Variants in RSU1 observed in about 807,000 individuals in gnomAD.
RSU1 encodes Ras suppressor protein 1, also known as rsu-1.
RSU1 carries 26 observed loss-of-function variants against 31.1 expected under a neutral mutation model. The observed-to-expected ratio is 0.84, with a 90% CI of 0.61 to 1.16. The LOEUF (loss-of-function observed/expected upper bound fraction) is 1.16. RSU1 is among the 50% of genes most tolerant of loss of function. The pLI is 0.00. For synonymous variants in RSU1, 164 were observed against 136.3 expected (o/e 1.20, Z -1.41); for missense variants, 320 against 339.1 (o/e 0.94, Z 0.44).
At chr10:16,770,208 C>T (rs3780977) in intron 3 of RSU1, among the ~76,000 whole-genome samples, 2,806 of 152,008 alleles carry the variant, frequency 0.018, 69 homozygotes, top group East Asian at 0.069. Context: ...AAATCAAAGC[C>T]GTAAGGAGCG....
At chr10:16,805,327 C>G (rs1446824188) in intron 2 of RSU1, among the ~76,000 whole-genome samples, 1 of 152,164 alleles carries the variant, frequency 6.6e-6, no homozygotes, top group African/African-American at 2.4e-5. Flanking sequence ...AGACGTGGAT[C>G]TGTACTTCCT....
rs534529275 is a variant in RSU1, at chr10:16,643,147, T to A, written c.732-49651A>T. Among the ~76,000 whole-genome samples the A allele has an allele frequency of 1.8e-3, 281 of 152,316 alleles. 1 individual carries two copies. Among genetic ancestry groups the A allele is most frequent in the African/African-American group, 6.5e-3 (270 of 41,568 alleles). ...AGTTTATTTAATAATCATAATACAG[T>A]ATATGAACTCAGTAATGCCCAGCTA... On this transcript the variant is annotated intron_variant, in intron 8 of 8. Transcript: ENST00000345264.
chr10:16,782,398 C>A (rs76969309), intron 2 of RSU1, among the ~76,000 whole-genome samples: 4,748 of 152,304 alleles, frequency 0.031, 128 homozygotes, highest in East Asian at 0.1. Context: ...ATTAGTGATC[C>A]ATTTCAATTA....
At chr10:16,680,555 A>G (rs1835311547) in intron 8 of RSU1, among the ~76,000 whole-genome samples, 1 of 152,112 alleles carries the variant, frequency 6.6e-6, no homozygotes, top group African/African-American at 2.4e-5. Flanking sequence ...GTTTACAAAC[A>G]TGGCAGAAGA....
At chr10:16,708,782 A>G (rs1835958009) in intron 7 of RSU1, among the ~76,000 whole-genome samples, 1 of 151,838 alleles carries the variant, frequency 6.6e-6, no homozygotes, top group African/African-American at 2.4e-5. Flanking sequence ...GTTTCAATAT[A>G]GAGAGCTTTC....
rs397945910 is a variant in RSU1, at chr10:16,657,529, G to GAA, written c.731+37492_731+37493dup. On this transcript the variant is annotated intron_variant, in intron 8 of 8. Transcript: ENST00000345264. ...TTACCATAACATCTCAATCATACTA[G>GAA]AAAAAAAAAAAAGCAATTCTAGGGT... is the stretch of plus-strand genomic sequence containing the variant. Among the ~76,000 whole-genome samples, 15 of 133,110 alleles carry GAA rather than the reference G, an allele frequency of 1.1e-4. 1 individual carries two copies. The highest frequency in any genetic ancestry group is 4.1e-4 in the African/African-American group (15 of 36,940). The allele number at this position is 133,110 out of a possible 152,430, so 87.3% of individuals were successfully genotyped here.
chr10:16,607,881 T>A (rs1291387093), intron 8 of RSU1, among the ~76,000 whole-genome samples: 2 of 152,224 alleles, frequency 1.3e-5, no homozygotes, highest in African/African-American at 4.8e-5. Context: ...TGAGTTTTTT[T>A]GAGACAGAGT....
chr10:16,664,105 C>T (rs947542174), intron 8 of RSU1, among the ~76,000 whole-genome samples: 8 of 152,168 alleles, frequency 5.3e-5, no homozygotes, highest in African/African-American at 9.7e-5. Context: ...ATAGAACCTA[C>T]TAAAATATAC....
At chr10:16,815,789 G>A (rs1838515760) in intron 2 of RSU1, among the ~76,000 whole-genome samples, 1 of 152,210 alleles carries the variant, frequency 6.6e-6, no homozygotes, top group Non-Finnish European at 1.5e-5. Flanking sequence ...AGACGGATAA[G>A]GTTTTACACA....
chr10:16,642,060 G>T (rs1322589617), intron 8 of RSU1, among the ~76,000 whole-genome samples: 2 of 152,146 alleles, frequency 1.3e-5, no homozygotes, highest in Non-Finnish European at 2.9e-5. Context: ...TGCTGCTCTT[G>T]ATTTTTTTAG....
At chr10:16,657,185 T>C (rs1302016973) in intron 8 of RSU1, among the ~76,000 whole-genome samples, 1 of 152,152 alleles carries the variant, frequency 6.6e-6, no homozygotes, top group Non-Finnish European at 1.5e-5. Context: ...CAGGCAGAGA[T>C]ATTGATTCAG....
chr10:16,786,163 C>A (rs1317782212), intron 2 of RSU1, among the ~76,000 whole-genome samples: 1 of 152,186 alleles, frequency 6.6e-6, no homozygotes, highest in Non-Finnish European at 1.5e-5. Flanking sequence ...GGCAGCCGAA[C>A]CCATGACAAA....
intron 7 of RSU1, among the ~76,000 whole-genome samples, chr10:16,716,678 A>T (rs954978598): frequency 6.6e-6 from 1 of 152,158 alleles, no homozygotes; most frequent in African/African-American, 2.4e-5. Flanking sequence ...CAAATACACT[A>T]TTGATAACAT....
At chr10:16,735,729 G>GAA (rs912828165) in intron 7 of RSU1, among the ~76,000 whole-genome samples, 8 of 152,042 alleles carry the variant, frequency 5.3e-5, no homozygotes, top group African/African-American at 1.9e-4. Context: ...AGCAAAAGGG[G>GAA]AAAAACCCCT....
intron 8 of RSU1, among the ~76,000 whole-genome samples, chr10:16,657,073 G>C (rs986368459): frequency 2.6e-5 from 4 of 152,154 alleles, no homozygotes; most frequent in Admixed American, 6.5e-5. Flanking sequence ...AGTGTAACAA[G>C]CTGAAAACAA....
intron 5 of RSU1, among the ~76,000 whole-genome samples, chr10:16,754,089 G>T (rs1190011931): frequency 6.6e-6 from 1 of 152,006 alleles, no homozygotes; most frequent in African/African-American, 2.4e-5. Context: ...TTTTATAGTT[G>T]GTTTCATGTG....
chr10:16,676,355 A>C (rs1835232107), intron 8 of RSU1, among the ~76,000 whole-genome samples: 1 of 152,210 alleles, frequency 6.6e-6, no homozygotes, highest in African/African-American at 2.4e-5. Context: ...GGCAGGCAAG[A>C]GACTGTGTGC....
chr10:16,681,345 C>T (rs1835324707), intron 8 of RSU1, among the ~76,000 whole-genome samples: 2 of 152,116 alleles, frequency 1.3e-5, no homozygotes, highest in Non-Finnish European at 2.9e-5. Flanking sequence ...TCTGAAGAAT[C>T]GAAACTGTCA....
chr10:16,604,040 T>C (rs914375080), intron 8 of RSU1, among the ~76,000 whole-genome samples: 2 of 152,180 alleles, frequency 1.3e-5, no homozygotes, highest in African/African-American at 4.8e-5. Context: ...GAGGATGATA[T>C]GATACAGTCA....
Sources: gnomAD v4.1 joint callset for allele counts (sites outside exome capture counted in the v4.1 genomes callset) on GRCh38, gnomAD v4.1.1 for gene constraint, MANE v1.5 for transcripts, NCBI Gene and HGNC (gene_info 2026-07-23, HGNC 2026-07-21) for gene names.